The following EIF4H variants were observed in gnomAD, a reference collection of about 807,000 sequenced individuals.
EIF4H encodes Williams-Beuren syndrome chromosome region 1.
A neutral mutation model predicts 30.6 loss-of-function variants in EIF4H; 8 were observed. The observed-to-expected ratio is 0.26, with a 90% CI of 0.15 to 0.47. The LOEUF is 0.47. Ranked by LOEUF, EIF4H falls within the 20% of genes least tolerant of loss-of-function variation. The pLI is 0.99. For missense variants in EIF4H, 188 were observed against 339.5 expected, an observed-to-expected ratio of 0.55 and a Z score of 3.51; for synonymous variants, 106 against 122.7, an observed-to-expected ratio of 0.86 and a Z score of 0.90.
chr7:74,183,101 C>T (rs781914757), intron 1 of EIF4H, among the ~76,000 whole-genome samples: 11 of 152,282 alleles, frequency 7.2e-5, no homozygotes, highest in South Asian at 2.1e-4. Context: ...CATGCAGATA[C>T]GTGGTTGATT....
chr7:74,187,167 C>A (rs1293808384), intron 1 of EIF4H, among the ~76,000 whole-genome samples: 1 of 152,116 alleles, frequency 6.6e-6, no homozygotes, highest in Non-Finnish European at 1.5e-5. Flanking sequence ...TGGTGGCTCA[C>A]ACCTGTAATC....
At chr7:74,179,621 G>A (rs1408092274) in intron 1 of EIF4H, among the ~76,000 whole-genome samples, 1 of 116,216 alleles carries the variant, frequency 8.6e-6, no homozygotes, top group Non-Finnish European at 1.7e-5. Context: ...GACAGGGTGA[G>A]ACTCTGTATC....
chr7:74,192,408 C>G (rs1478008431), intron 5 of EIF4H, among the ~76,000 whole-genome samples: 1 of 152,140 alleles, frequency 6.6e-6, no homozygotes, highest in Non-Finnish European at 1.5e-5. Flanking sequence ...TTCAGACTTG[C>G]TTTCATTACT....
intron 5 of EIF4H, among the ~76,000 whole-genome samples, chr7:74,192,159 T>A (rs1484277210): frequency 1.3e-5 from 2 of 152,180 alleles, no homozygotes; most frequent in African/African-American, 2.4e-5. Flanking sequence ...CGCTAGACAT[T>A]GGTGGTCGAA....
Position 74,175,241 on chromosome 7 carries a change from G to A in EIF4H, c.59+799G>A, listed in dbSNP as rs545017759. Among the ~76,000 whole-genome samples the A allele has an allele frequency of 2.0e-5, 3 of 152,178 alleles. No homozygotes were observed. In the South Asian group the frequency reaches 6.2e-4, roughly 32 times the overall value. ...TAAAAGAAACATCTTTGAATAGAGA[G>A]CTCATGGTGTTTAATTCCAGGACTC... On this transcript the variant is annotated intron_variant, in intron 1 of 6. Coordinates refer to ENST00000265753, the MANE Select transcript of EIF4H (RefSeq NM_022170.2).
rs782045444 is a variant in EIF4H at position 74,195,339 on chromosome 7, G to A, written c.*31G>A. On this transcript the variant is annotated 3_prime_UTR_variant, in exon 7 of 7. Transcript: ENST00000265753. ...CGGTTGGGAGGGAATGGGGCGTGGG[G>A]GGTTAGAGCAGGACCACAGCCTGGT... is the stretch of plus-strand genomic sequence containing the variant. 3 of 1,602,254 alleles carry A rather than the reference G, an allele frequency of 1.9e-6. No individual in the cohort carries two copies. The highest frequency in any genetic ancestry group is 2.2e-5 in the East Asian group (1 of 44,732).
intron 1 of EIF4H, among the ~76,000 whole-genome samples, chr7:74,179,698 G>C (rs1345996460): frequency 1.3e-5 from 2 of 150,848 alleles, no homozygotes; most frequent in African/African-American, 4.9e-5. Context: ...GCATACATTT[G>C]TAAGGTGTTG....
At chr7:74,181,691 G>A (rs1247957932) in intron 1 of EIF4H, among the ~76,000 whole-genome samples, 1 of 152,064 alleles carries the variant, frequency 6.6e-6, no homozygotes, top group African/African-American at 2.4e-5. Context: ...TAATCTGCCT[G>A]CCTCGGCCTC....
intron 1 of EIF4H, among the ~76,000 whole-genome samples, chr7:74,179,631 C>CAAAAAA (rs34502000): frequency 7.8e-6 from 1 of 128,056 alleles, no homozygotes; most frequent in Admixed American, 8.0e-5. Context: ...GACTCTGTAT[C>CAAAAAA]AAAAAAAAAA....
chr7:74,175,858 G>T (rs1000615236), intron 1 of EIF4H, among the ~76,000 whole-genome samples: 1 of 151,702 alleles, frequency 6.6e-6, no homozygotes, highest in African/African-American at 2.4e-5. Context: ...CTGAGTGTGG[G>T]GATTTAAAAA....
chr7:74,182,299 AT>A (rs782533562), intron 1 of EIF4H, among the ~76,000 whole-genome samples: 1 of 152,194 alleles, frequency 6.6e-6, no homozygotes, highest in Non-Finnish European at 1.5e-5. Context: ...TATAAATGGT[AT>A]TTATCAAAGG....
In EIF4H at chr7:74,195,352, A is replaced by G; in HGVS notation, c.*44A>G. 6.4e-7 allele frequency: 1 copy of G among 1,566,544 alleles called. No individual in the cohort carries two copies. Among genetic ancestry groups the G allele is most frequent in the Non-Finnish European group, 8.7e-7 (1 of 1,153,998 alleles). On this transcript the variant is annotated 3_prime_UTR_variant, in exon 7 of 7. Transcript: ENST00000265753. ...ATGGGGCGTGGGGGGTTAGAGCAGGACCACAGCCTGGTGAGTCCCCGGGCA... is the reference window on the plus strand; with the variant it reads ...ATGGGGCGTGGGGGGTTAGAGCAGGGCCACAGCCTGGTGAGTCCCCGGGCA...
intron 5 of EIF4H, among the ~76,000 whole-genome samples, chr7:74,193,831 C>T (rs1333940052): frequency 1.3e-5 from 2 of 152,018 alleles, no homozygotes; most frequent in African/African-American, 4.8e-5. Context: ...CAGTCTGGTC[C>T]TGAACTCCTA....
chr7:74,181,770 T>C (rs1477478159), intron 1 of EIF4H, among the ~76,000 whole-genome samples: 2 of 149,138 alleles, frequency 1.3e-5, no homozygotes, highest in African/African-American at 2.5e-5. Context: ...AGTCTCACTC[T>C]GCCTCCCAGG....
intron 1 of EIF4H, 123 bp from the exon 2 acceptor site, chr7:74,187,488 G>A: frequency 1.0e-6 from 1 of 980,206 alleles, no homozygotes; most frequent in Non-Finnish European, 1.4e-6. Flanking sequence ...TAACAGTCTT[G>A]TGGTACATCG....
intron 1 of EIF4H, among the ~76,000 whole-genome samples, chr7:74,185,201 C>G (rs1289482187): frequency 6.6e-6 from 1 of 152,082 alleles, no homozygotes; most frequent in African/African-American, 2.4e-5. Context: ...CTGTGTTGCC[C>G]AGGCTGGTCT....
chr7:74,195,135 C>T (rs1801314639), intron 6 of EIF4H, 34 bp from the exon 7 acceptor site: 2 of 1,610,604 alleles, frequency 1.2e-6, no homozygotes, highest in Non-Finnish European at 1.7e-6. Flanking sequence ...GAATGGGATC[C>T]ACACTCTGAC....
intron 1 of EIF4H, among the ~76,000 whole-genome samples, chr7:74,185,288 C>G (rs990973048): frequency 1.3e-5 from 2 of 152,188 alleles, no homozygotes; most frequent in Non-Finnish European, 2.9e-5. Flanking sequence ...CCACTGGGCC[C>G]GGCTTTATAC....
intron 1 of EIF4H, among the ~76,000 whole-genome samples, chr7:74,178,708 G>A (rs1002623847): frequency 3.3e-5 from 5 of 152,092 alleles, no homozygotes; most frequent in South Asian, 4.2e-4. Context: ...AGTATTTGTC[G>A]CCTGGTTGCT....
Sources: gnomAD v4.1 joint callset for allele counts (sites outside exome capture counted in the v4.1 genomes callset) on GRCh38, gnomAD v4.1.1 for gene constraint, MANE v1.5 for transcripts, NCBI Gene and HGNC (gene_info 2026-07-23, HGNC 2026-07-21) for gene names.